Variants in PTPRD observed in about 807,000 individuals in gnomAD.
PTPRD encodes protein tyrosine phosphatase receptor type D, also known as receptor-type tyrosine-protein phosphatase delta.
In PTPRD, 34 loss-of-function variants were observed where a neutral mutation model predicts 214.5. The ratio of observed to expected loss-of-function variants is 0.16; its 90% CI spans 0.12 to 0.21. The LOEUF (loss-of-function observed/expected upper bound fraction) is 0.21, where lower values mean the gene tolerates loss of function less well. Ranked by LOEUF, PTPRD falls within the 10% of genes least tolerant of loss-of-function variation. PTPRD has a pLI of 1.00. For missense variants in PTPRD, 2,545 were observed against 2,398.7 expected (o/e 1.06, Z -1.27); for synonymous variants, 1,128 against 845.7 (o/e 1.33, Z -5.79).
chr9:8,649,649 A>G (rs1481825912), intron 12 of PTPRD, among the ~76,000 whole-genome samples: 1 of 152,250 alleles, frequency 6.6e-6, no homozygotes, highest in Admixed American at 6.5e-5. Context: ...TTATAGATAC[A>G]CAATTTTGAT....
intron 9 of PTPRD, among the ~76,000 whole-genome samples, chr9:9,255,838 C>T (rs73641277): frequency 0.078 from 11,910 of 152,004 alleles, 539 homozygotes; most frequent in Middle Eastern, 0.18. Context: ...CAGAATAATT[C>T]GTACCTAGAA....
chr9:9,534,606 G>A (rs1020106562), intron 8 of PTPRD, among the ~76,000 whole-genome samples: 6 of 151,936 alleles, frequency 3.9e-5, no homozygotes, highest in East Asian at 1.9e-4. Flanking sequence ...AAGACACCAC[G>A]TTTTATTTAC....
intron 2 of PTPRD, among the ~76,000 whole-genome samples, chr9:10,515,965 C>A (rs2049955307): frequency 6.6e-6 from 1 of 151,860 alleles, no homozygotes; most frequent in Non-Finnish European, 1.5e-5. Flanking sequence ...ACATTTTACT[C>A]ATCCATTCAT....
At chr9:8,392,164 C>T (rs985594891) in intron 36 of PTPRD, among the ~76,000 whole-genome samples, 5 of 151,956 alleles carry the variant, frequency 3.3e-5, no homozygotes, top group African/African-American at 7.2e-5. Flanking sequence ...GCAGGAGGAT[C>T]ACTTGAGCCC....
intron 5 of PTPRD, among the ~76,000 whole-genome samples, chr9:9,844,497 C>G (rs2059041335): frequency 6.6e-6 from 1 of 151,762 alleles, no homozygotes; most frequent in Non-Finnish European, 1.5e-5. Flanking sequence ...TCTTTATAAT[C>G]CTAATATCTG....
At chr9:9,083,425 T>C (rs2099762068) in intron 10 of PTPRD, among the ~76,000 whole-genome samples, 1 of 152,230 alleles carries the variant, frequency 6.6e-6, no homozygotes, top group Admixed American at 6.5e-5. Context: ...AAGACTTCAA[T>C]GTAAGACCCC....
At chr9:9,939,039 G>C (rs1008405395) in intron 4 of PTPRD, among the ~76,000 whole-genome samples, 5 of 150,622 alleles carry the variant, frequency 3.3e-5, no homozygotes, top group African/African-American at 1.2e-4. Context: ...CCATGAAAAG[G>C]AATCTCAGTA....
At chr9:9,398,789 G>A (rs1259162467) in intron 8 of PTPRD, among the ~76,000 whole-genome samples, 1 of 151,964 alleles carries the variant, frequency 6.6e-6, no homozygotes. Flanking sequence ...GAGGAACAGT[G>A]ATAGATTTGC....
intron 5 of PTPRD, among the ~76,000 whole-genome samples, chr9:9,808,953 T>A (rs1474961439): frequency 2.9e-5 from 1 of 34,000 alleles, no homozygotes; most frequent in East Asian, 0.013. Context: ...ATTTTGTATT[T>A]TTTTTTTTTT....
chr9:9,302,599 T>TC lies in PTPRD; in HGVS notation c.-203+94849_-203+94850insG, dbSNP rs1237376120. On this transcript the variant is annotated intron_variant, in intron 9 of 45. Transcript: ENST00000381196. Reference sequence around the variant, plus strand: ...CACATCATGTTTTGTAGTTTTTTTTTTCTTTTTTTTTTTTTTTTGTCTTTC... The same window carrying TC: ...CACATCATGTTTTGTAGTTTTTTTTTCTCTTTTTTTTTTTTTTTTGTCTTTC... 8.4e-3 allele frequency among the ~76,000 whole-genome samples: 576 copies of TC among 68,624 alleles called. 3 individuals carry two copies. Among genetic ancestry groups the TC allele is most frequent in the African/African-American group, 0.029 (537 of 18,612 alleles). The allele number at this position is 68,624 out of a possible 152,430, so 45.0% of individuals were successfully genotyped here.
chr9:9,334,414 G>C (rs569929394), intron 9 of PTPRD, among the ~76,000 whole-genome samples: 22 of 151,978 alleles, frequency 1.4e-4, no homozygotes, highest in Non-Finnish European at 2.8e-4. Flanking sequence ...ATGTGAAATA[G>C]TCTGTTAATC....
intron 3 of PTPRD, among the ~76,000 whole-genome samples, chr9:10,309,074 A>G (rs1227084662): frequency 6.6e-6 from 1 of 152,032 alleles, no homozygotes; most frequent in Non-Finnish European, 1.5e-5. Flanking sequence ...TCTCCTATCA[A>G]GAGTATATAT....
chr9:8,604,104 T>C (rs902866226), intron 14 of PTPRD, among the ~76,000 whole-genome samples: 16 of 152,086 alleles, frequency 1.1e-4, no homozygotes, highest in African/African-American at 3.6e-4. Flanking sequence ...TCATTGACAA[T>C]CTACTATGTG....
chr9:9,979,118 A>G lies in PTPRD; in HGVS notation c.-471-40508T>C, dbSNP rs150715890. Among the ~76,000 whole-genome samples the G allele has an allele frequency of 9.0e-3, 1,365 of 152,194 alleles. 17 individuals are homozygous for G. The highest frequency in any genetic ancestry group is 0.014 in the Non-Finnish European group (924 of 67,948). On this transcript the variant is annotated intron_variant, in intron 4 of 45. Coordinates refer to ENST00000381196, the MANE Select transcript of PTPRD (RefSeq NM_002839.4). ...GATTTATTGCTAGCACACTTGTACT[A>G]TGAGAAATGTCAGAGGATGTCCTTC...
At chr9:8,977,886 T>G (rs903175569) in intron 11 of PTPRD, among the ~76,000 whole-genome samples, 1 of 152,098 alleles carries the variant, frequency 6.6e-6, no homozygotes, top group Non-Finnish European at 1.5e-5. Context: ...ATAGCAGGTC[T>G]TACAGAGAAA....
At chr9:8,420,159 G>A in intron 35 of PTPRD, among the ~76,000 whole-genome samples, 1 of 152,010 alleles carries the variant, frequency 6.6e-6, no homozygotes, top group East Asian at 1.9e-4. Context: ...GGTTAAGTTT[G>A]GATAAAAACA....
intron 9 of PTPRD, among the ~76,000 whole-genome samples, chr9:9,377,917 A>AT (rs58869276): frequency 1.5e-4 from 22 of 151,450 alleles, no homozygotes; most frequent in Middle Eastern, 3.4e-3. Flanking sequence ...TCTTAAGACT[A>AT]TTTTTTTTTA....
chr9:10,300,629 A>G (rs2095834440), intron 3 of PTPRD, among the ~76,000 whole-genome samples: 1 of 152,186 alleles, frequency 6.6e-6, no homozygotes, highest in African/African-American at 2.4e-5. Context: ...TTACCCTCAC[A>G]GTGTAAACAA....
At chr9:9,118,807 G>A (rs933415978) in intron 10 of PTPRD, among the ~76,000 whole-genome samples, 4 of 152,086 alleles carry the variant, frequency 2.6e-5, no homozygotes, top group African/African-American at 9.7e-5. Flanking sequence ...GAAGGATGAA[G>A]TACTTATTCT....
Sources: gnomAD v4.1 joint callset for allele counts (sites outside exome capture counted in the v4.1 genomes callset) on GRCh38, gnomAD v4.1.1 for gene constraint, MANE v1.5 for transcripts, NCBI Gene and HGNC (gene_info 2026-07-23, HGNC 2026-07-21) for gene names.